PPFIBP2: variants seen among roughly 807,000 people sequenced by gnomAD.
The protein encoded by PPFIBP2 is PPFIB scaffold protein 2, also known as liprin-beta-2.
PPFIBP2 carries 118 observed loss-of-function variants against 118.3 expected under a neutral mutation model. That is an observed-to-expected ratio of 1.00 (90% CI 0.86 to 1.16). PPFIBP2 has a LOEUF of 1.16. Among genes scored for constraint, PPFIBP2 ranks in the 50% most tolerant of loss-of-function variants. The pLI, the probability that PPFIBP2 is intolerant of heterozygous loss-of-function variation, is 0.00. For missense variants in PPFIBP2, 1,195 were observed against 1,073.1 expected (o/e 1.11, Z -1.59); for synonymous variants, 414 against 397.4 (o/e 1.04, Z -0.50).
At chr11:7,618,646 A>G (rs1173948129) in intron 6 of PPFIBP2, among the ~76,000 whole-genome samples, 1 of 152,206 alleles carries the variant, frequency 6.6e-6, no homozygotes, top group Non-Finnish European at 1.5e-5. Context: ...AGGCCTTGAC[A>G]TCCAGTGATG....
At chr11:7,540,353 T>A (rs972735613) in intron 1 of PPFIBP2, among the ~76,000 whole-genome samples, 1 of 152,072 alleles carries the variant, frequency 6.6e-6, no homozygotes, top group Admixed American at 6.5e-5. Context: ...GGGACAGATC[T>A]GAAAGAGAGG....
chr11:7,562,652 G>A (rs1163941093), intron 2 of PPFIBP2, among the ~76,000 whole-genome samples: 1 of 151,982 alleles, frequency 6.6e-6, no homozygotes, highest in Non-Finnish European at 1.5e-5. Context: ...TTGTATAGAT[G>A]TTTATTCAAT....
chr11:7,540,909 A>G (rs1851708704), intron 1 of PPFIBP2, among the ~76,000 whole-genome samples: 1 of 152,072 alleles, frequency 6.6e-6, no homozygotes, highest in Non-Finnish European at 1.5e-5. Context: ...CAGCCAATTA[A>G]CTAACAATTA....
At chr11:7,652,855 C>T (rs1255516550) in intron 23 of PPFIBP2, among the ~76,000 whole-genome samples, 169 bp from the exon 24 acceptor site, 3 of 152,186 alleles carry the variant, frequency 2.0e-5, no homozygotes, top group African/African-American at 7.2e-5. Context: ...GGCCTTTCTG[C>T]AGCATAGAAA....
At chr11:7,665,365 G>A in the PPFIBP2 span, 1,183,073 of 1,532,040 alleles carry the variant, frequency 0.77, 458,060 homozygotes, top group African/African-American at 0.83. Context: ...TGCTGAGCAC[G>A]TGGAGGTGTT....
chr11:7,554,524 G>A (rs980487477), intron 2 of PPFIBP2, among the ~76,000 whole-genome samples: 1 of 152,088 alleles, frequency 6.6e-6, no homozygotes, highest in Non-Finnish European at 1.5e-5. Flanking sequence ...CTAAAACAGT[G>A]CAAACAGTGC....
intron 2 of PPFIBP2, among the ~76,000 whole-genome samples, chr11:7,561,208 G>A (rs1854263515): frequency 6.6e-6 from 1 of 152,184 alleles, no homozygotes; most frequent in Admixed American, 6.5e-5. Context: ...TGGGGTTACA[G>A]GGGCCTGCCA....
At chr11:7,634,929 G>A (rs1425335940) in intron 13 of PPFIBP2, among the ~76,000 whole-genome samples, 1 of 152,140 alleles carries the variant, frequency 6.6e-6, no homozygotes, top group East Asian at 1.9e-4. Flanking sequence ...TGGGGCACTT[G>A]GGGACATCGT....
chr11:7,546,156 G>A (rs959953098), intron 1 of PPFIBP2, among the ~76,000 whole-genome samples: 1 of 152,158 alleles, frequency 6.6e-6, no homozygotes, highest in African/African-American at 2.4e-5. Flanking sequence ...CTGCTTCTGT[G>A]TTGTCAGAAA....
intron 15 of PPFIBP2, chr11:7,641,153 G>A: frequency 1.8e-6 from 2 of 1,110,036 alleles, no homozygotes; most frequent in Non-Finnish European, 2.4e-6. Flanking sequence ...CTCAGCCAGG[G>A]ACCCACTACT....
At chr11:7,558,256 A>G (rs1250903367) in intron 2 of PPFIBP2, among the ~76,000 whole-genome samples, 1 of 152,216 alleles carries the variant, frequency 6.6e-6, no homozygotes, top group Non-Finnish European at 1.5e-5. Flanking sequence ...TGGAAGAGAT[A>G]TGAGGAATTG....
rs7108234 is a variant in PPFIBP2 at position 7,556,515 on chromosome 11, A to C, written c.64+6976A>C. On this transcript the variant is annotated intron_variant, in intron 2 of 23. Coordinates refer to ENST00000299492, the MANE Select transcript of PPFIBP2 (RefSeq NM_003621.5). ...TTCTCATCACTGCCCCATCTTCCAC[A>C]TTATTTTCGTTCAGTATTCTAGTAT... Among the ~76,000 whole-genome samples the C allele has an allele frequency of 9.6e-3, 1,459 of 152,254 alleles. 25 individuals carry two copies. The highest frequency in any genetic ancestry group is 0.032 in the African/African-American group (1,313 of 41,516).
chr11:7,630,993 A>G lies in PPFIBP2; in HGVS notation c.1033A>G (p.Thr345Ala), dbSNP rs147867678. 4.0e-4 allele frequency: 649 copies of G among 1,613,994 alleles called. 10 individuals carry two copies. The South Asian group carries it at 6.6e-3, about 16-fold the overall frequency. Residue 345 changes from threonine (T) to alanine (A), a missense_variant, in exon 11 of 24, where the codon ACA becomes GCA. Coordinates refer to ENST00000299492, the MANE Select transcript of PPFIBP2 (RefSeq NM_003621.5). ...PEGGFSKWNA[T>A]NKDPEELFKQ... ...GGGAGGTTTCAGCAAGTGGAACGCT[A>G]CAAATAAGGACCCTGAAGAATTATT... is the stretch of plus-strand genomic sequence containing the variant.
chr11:7,562,430 A>T (rs935359418), intron 2 of PPFIBP2, among the ~76,000 whole-genome samples: 1 of 152,240 alleles, frequency 6.6e-6, no homozygotes, highest in African/African-American at 2.4e-5. Context: ...ACAATAAAGC[A>T]GAAGGAGTCA....
intron 2 of PPFIBP2, among the ~76,000 whole-genome samples, chr11:7,551,540 T>G (rs1852998107): frequency 6.6e-6 from 1 of 152,228 alleles, no homozygotes; most frequent in Non-Finnish European, 1.5e-5. Context: ...AGTTGGGTAC[T>G]GTCAGTCCTC....
At chr11:7,641,310 G>A (rs1389706412) in intron 15 of PPFIBP2, among the ~76,000 whole-genome samples, 169 bp from the exon 16 acceptor site, 1 of 152,246 alleles carries the variant, frequency 6.6e-6, no homozygotes, top group African/African-American at 2.4e-5. Context: ...CAGCAAGGAA[G>A]CCTGGAGTCC....
At position 7,648,556 on chromosome 11, in the gene PPFIBP2, G is replaced by A; in HGVS notation, c.1797+19G>A. The stretch of plus-strand genomic sequence containing the variant: ...GGAAAAGGTAAGGGCTCAGCTTGGG[G>A]AGAGGAGGCTCCCATTTCTCCCCAA... On this transcript the variant is annotated intron_variant, in intron 18 of 23. Coordinates refer to ENST00000299492, the MANE Select transcript of PPFIBP2 (RefSeq NM_003621.5). 4 of 1,611,824 alleles carry A rather than the reference G, an allele frequency of 2.5e-6. No individual in the cohort carries two copies. Among genetic ancestry groups the A allele is most frequent in the Non-Finnish European group, 3.4e-6 (4 of 1,178,156 alleles).
chr11:7,569,553 T>C (rs1244312351), intron 3 of PPFIBP2, among the ~76,000 whole-genome samples: 1 of 152,210 alleles, frequency 6.6e-6, no homozygotes, highest in Non-Finnish European at 1.5e-5. Context: ...TCCCTTGGTC[T>C]AGGAGCAGTA....
rs76220158 is a variant in PPFIBP2, at chr11:7,580,010, C to G, written c.280-13122C>G. The stretch of plus-strand genomic sequence containing the variant: ...TCCTGTGACCCCAGTGATGAGCCCC[C>G]CTGGACTCACCCTTAATCTGGAAGA... On this transcript the variant is annotated intron_variant, in intron 3 of 23. Coordinates refer to ENST00000299492, the MANE Select transcript of PPFIBP2 (RefSeq NM_003621.5). Among the ~76,000 whole-genome samples the G allele has an allele frequency of 8.9e-3, 1,354 of 152,172 alleles. 33 individuals are homozygous for G. The highest frequency in any genetic ancestry group is 0.036 in the Admixed American group (544 of 15,298).
Sources: gnomAD v4.1 joint callset for allele counts (sites outside exome capture counted in the v4.1 genomes callset) on GRCh38, gnomAD v4.1.1 for gene constraint, MANE v1.5 for transcripts, NCBI Gene and HGNC (gene_info 2026-07-23, HGNC 2026-07-21) for gene names.